The following WASF3 variants were observed in gnomAD, a reference collection of about 807,000 sequenced individuals.
The protein encoded by WASF3 is actin-binding protein WASF3.
WASF3 carries 11 observed loss-of-function variants against 46.6 expected under a neutral mutation model. The ratio of observed to expected loss-of-function variants is 0.24; its 90% CI spans 0.15 to 0.39. The LOEUF (loss-of-function observed/expected upper bound fraction) is 0.39. WASF3 is among the 10% of genes least tolerant of loss of function. The pLI is 1.00. For missense variants in WASF3, 576 were observed against 669.8 expected (o/e 0.86, Z 1.55); for synonymous variants, 242 against 259.7 (o/e 0.93, Z 0.65).
At chr13:26,626,622 G>A (rs994972017) in intron 2 of WASF3, among the ~76,000 whole-genome samples, 3 of 152,090 alleles carry the variant, frequency 2.0e-5, no homozygotes, top group East Asian at 1.9e-4. Flanking sequence ...CAACACAACC[G>A]TATGCTCTCC....
intron 1 of WASF3, among the ~76,000 whole-genome samples, chr13:26,600,053 A>T (rs1593140593): frequency 6.6e-6 from 1 of 152,326 alleles, no homozygotes; most frequent in East Asian, 1.9e-4. Flanking sequence ...TGGGCTCCGA[A>T]GATTAAATGA....
chr13:26,582,315 G>T (rs1221989009), intron 1 of WASF3, among the ~76,000 whole-genome samples: 5 of 152,028 alleles, frequency 3.3e-5, no homozygotes, highest in African/African-American at 9.7e-5. Flanking sequence ...TCTTGACTCT[G>T]TTGTTTATTA....
At position 26,667,619 on chromosome 13, in the gene WASF3, T is replaced by C; in HGVS notation, c.371T>C (p.Ile124Thr). The change falls in exon 5 of 10, where the codon ATT (isoleucine) becomes ACT (threonine). Residue 124 changes from isoleucine to threonine, a missense_variant. By Grantham distance (89) the Ile-to-Thr change is moderately conservative. Coordinates refer to ENST00000335327, the MANE Select transcript of WASF3 (RefSeq NM_006646.6). ...KNSIPNPVADIYNQSDKPPPL... is the reference protein window; with the variant it reads ...KNSIPNPVADTYNQSDKPPPL... ...AGCATTCCTAATCCTGTTGCTGATA[T>C]TTACAACCAGAGTGATAAGCCACCG... is the stretch of plus-strand genomic sequence containing the variant. 3.1e-6 allele frequency: 5 copies of C among 1,614,146 alleles called. No homozygotes were observed. The highest frequency in any genetic ancestry group is 1.1e-5 in the South Asian group (1 of 91,084).
chr13:26,572,380 A>C (rs1879665908), intron 1 of WASF3, among the ~76,000 whole-genome samples: 1 of 152,078 alleles, frequency 6.6e-6, no homozygotes, highest in Non-Finnish European at 1.5e-5. Context: ...GTTCTGTCTT[A>C]AGTTATGTTA....
chr13:26,571,909 G>T (rs1356775975), intron 1 of WASF3, among the ~76,000 whole-genome samples: 1 of 152,174 alleles, frequency 6.6e-6, no homozygotes, highest in Admixed American at 6.5e-5. Flanking sequence ...AGATTTCTTT[G>T]TATAGGTTTT....
At chr13:26,611,072 G>A (rs370948460) in intron 1 of WASF3, among the ~76,000 whole-genome samples, 6 of 119,242 alleles carry the variant, frequency 5.0e-5, no homozygotes, top group African/African-American at 1.9e-4. Flanking sequence ...GGGTTTTGCC[G>A]TGTTGCCCAA....
At chr13:26,636,839 A>G (rs1881839580) in intron 2 of WASF3, among the ~76,000 whole-genome samples, 1 of 152,256 alleles carries the variant, frequency 6.6e-6, no homozygotes, top group Admixed American at 6.5e-5. Context: ...TTGCCCCCAG[A>G]ACCCAACCTA....
intron 2 of WASF3, chr13:26,638,345 G>A (rs1451138326): frequency 6.6e-6 from 1 of 152,164 alleles, no homozygotes; most frequent in Non-Finnish European, 1.5e-5. Flanking sequence ...TCACAGTTAG[G>A]TGAACCAGGT....
chr13:26,627,341 T>C (rs1412901757), intron 2 of WASF3, among the ~76,000 whole-genome samples: 1 of 152,190 alleles, frequency 6.6e-6, no homozygotes, highest in African/African-American at 2.4e-5. Context: ...CTAGTATTAC[T>C]GCACAGGGAC....
intron 1 of WASF3, among the ~76,000 whole-genome samples, chr13:26,564,333 G>A (rs1317955616): frequency 6.6e-6 from 1 of 152,162 alleles, no homozygotes; most frequent in Non-Finnish European, 1.5e-5. Context: ...CCTCTTGAAC[G>A]TCGTCGTCAT....
chr13:26,662,855 G>T (rs149238761), intron 3 of WASF3, among the ~76,000 whole-genome samples: 2 of 132,590 alleles, frequency 1.5e-5, no homozygotes, highest in Non-Finnish European at 3.2e-5. Flanking sequence ...GCAGTGCACA[G>T]GGCCCTCTGT....
chr13:26,647,591 G>A (rs1882187539), intron 3 of WASF3, among the ~76,000 whole-genome samples: 2 of 152,056 alleles, frequency 1.3e-5, no homozygotes, highest in African/African-American at 2.4e-5. Flanking sequence ...GCTTAAAAAG[G>A]AGATGACATT....
At chr13:26,583,767 A>C (rs1346088056) in intron 1 of WASF3, among the ~76,000 whole-genome samples, 1 of 152,052 alleles carries the variant, frequency 6.6e-6, no homozygotes, top group East Asian at 1.9e-4. Context: ...GCTTTGTTGG[A>C]GTTTGCTTTG....
chr13:26,667,597 A>G lies in WASF3; in HGVS notation c.349A>G (p.Ile117Val), dbSNP rs200246981. 2.0e-4 allele frequency: 317 copies of G among 1,614,054 alleles called. 2 individuals are homozygous for G. The highest frequency in any genetic ancestry group is 5.4e-5 in the Non-Finnish European group (64 of 1,180,030). ...CCAGCAAGTGGTTTCAAAGAACAGC[A>G]TTCCTAATCCTGTTGCTGATATTTA... ...QDQQVVSKNS[I>V]PNPVADIYNQ... The change falls in exon 5 of 10, where the codon ATT (isoleucine) becomes GTT (valine). Residue 117 changes from isoleucine to valine, a missense_variant. By Grantham distance (29) the Ile-to-Val change is conservative. Coordinates refer to ENST00000335327, the MANE Select transcript of WASF3 (RefSeq NM_006646.6).
Position 26,685,707 on chromosome 13 carries a change from G to A in WASF3, c.1371G>A (p.Val457=). ...AIRMGIQLKK[V]QEQREQEAKR... is the part of the protein sequence containing the mutation. ...CTGCAGGAATTCAACTGAAAAAGGT[G>A]CAGGAGCAGCGGGAGCAGGAGGCCA... The change falls in exon 10 of 10, where the codon GTG becomes GTA. Residue 457 remains valine, a synonymous_variant. Coordinates refer to ENST00000335327, the MANE Select transcript of WASF3 (RefSeq NM_006646.6). 6.2e-7 allele frequency: 1 copy of A among 1,614,214 alleles called. No individual in the cohort carries two copies. Among genetic ancestry groups the A allele is most frequent in the Non-Finnish European group, 8.5e-7 (1 of 1,180,030 alleles).
chr13:26,627,930 A>G (rs1191531452), intron 2 of WASF3, among the ~76,000 whole-genome samples: 2 of 151,756 alleles, frequency 1.3e-5, no homozygotes, highest in East Asian at 3.9e-4. Flanking sequence ...AATAAAATAT[A>G]TATGTATTTT....
intron 7 of WASF3, 99 bp downstream of exon 7, chr13:26,676,823 A>G: frequency 8.4e-7 from 1 of 1,193,160 alleles, no homozygotes; most frequent in Non-Finnish European, 1.2e-6. Context: ...TTCGGGGTTT[A>G]TATGGCCCTT....
intron 1 of WASF3, among the ~76,000 whole-genome samples, chr13:26,587,270 T>G (rs766301578): frequency 8.7e-5 from 13 of 149,514 alleles, no homozygotes; most frequent in Non-Finnish European, 1.6e-4. Flanking sequence ...TTCCCTAAAC[T>G]CTGTTTTTTT....
intron 5 of WASF3, among the ~76,000 whole-genome samples, chr13:26,668,143 C>A (rs1882826897): frequency 6.6e-6 from 1 of 152,120 alleles, no homozygotes. Flanking sequence ...ATATAGTCAG[C>A]AAATTAACCT....
Sources: gnomAD v4.1 joint callset for allele counts (sites outside exome capture counted in the v4.1 genomes callset) on GRCh38, gnomAD v4.1.1 for gene constraint, MANE v1.5 for transcripts, NCBI Gene and HGNC (gene_info 2026-07-23, HGNC 2026-07-21) for gene names.